PPP1R12C: variants seen among roughly 807,000 people sequenced by gnomAD.
PPP1R12C encodes leukocyte receptor cluster (LRC) encoded novel gene 3.
Under a neutral mutation model 95.6 loss-of-function variants are expected in PPP1R12C, and 48 were observed. The ratio of observed to expected loss-of-function variants is 0.50; its 90% CI spans 0.40 to 0.64. The LOEUF is 0.64. Ranked by LOEUF, PPP1R12C falls within the 30% of genes least tolerant of loss-of-function variation. The pLI is 0.00. For missense variants in PPP1R12C, 1,057 were observed against 1,083.3 expected, an observed-to-expected ratio of 0.98 and a Z score of 0.34; for synonymous variants, 480 against 460.8, an observed-to-expected ratio of 1.04 and a Z score of -0.53.
At position 55,096,242 on chromosome 19, in the gene PPP1R12C, G is replaced by C; in HGVS notation, c.1025+20C>G. ...GGCCTCCAGCCACCCCGCCAGCCCTGGACTCCTCCCTCCCTATACCTTCTG... is the reference window on the plus strand; with the variant it reads ...GGCCTCCAGCCACCCCGCCAGCCCTCGACTCCTCCCTCCCTATACCTTCTG... On this transcript the variant is annotated intron_variant, in intron 7 of 21. Coordinates refer to ENST00000263433, the MANE Select transcript of PPP1R12C (RefSeq NM_017607.4). 1 of 1,613,848 alleles carries C rather than the reference G, an allele frequency of 6.2e-7. No homozygotes were observed. The highest frequency in any genetic ancestry group is 8.5e-7 in the Non-Finnish European group (1 of 1,179,890).
intron 6 of PPP1R12C, among the ~76,000 whole-genome samples, chr19:55,097,669 G>C (rs12986340): frequency 1.5e-5 from 2 of 136,484 alleles, no homozygotes; most frequent in African/African-American, 2.7e-5. Context: ...CACCGTCTTC[G>C]CCCCTTCCCC....
rs763140473 is a variant in PPP1R12C, at chr19:55,092,674, T to C, written c.1912-12A>G. The C allele has an allele frequency of 2.1e-5, 32 of 1,525,914 alleles. No homozygotes were observed. Among genetic ancestry groups the C allele is most frequent in the Non-Finnish European group, 2.6e-5 (30 of 1,138,138 alleles). 94.5% of individuals were successfully genotyped at this position (1,525,914 alleles called of 1,614,324 possible). ...TCCGCCTCCTCCCCCTGTGGGCAGG[T>C]AGACGGGGGTTCAATGGGTATGGGA... is the stretch of plus-strand genomic sequence containing the variant. On this transcript the variant is annotated splice_polypyrimidine_tract_variant and intron_variant, in intron 16 of 21. Coordinates refer to ENST00000263433, the MANE Select transcript of PPP1R12C (RefSeq NM_017607.4).
In PPP1R12C at chr19:55,093,034, C is replaced by CA. The variant is rs781081467; in HGVS notation, c.1806dup (p.Asp603Ter). 3 of 1,586,456 alleles carry CA rather than the reference C, an allele frequency of 1.9e-6. No homozygotes were observed. The highest frequency in any genetic ancestry group is 2.2e-5 in the East Asian group (1 of 44,660). On this transcript the variant is annotated frameshift_variant, in exon 15 of 22. Coordinates refer to ENST00000263433, the MANE Select transcript of PPP1R12C (RefSeq NM_017607.4). LOFTEE classifies it high-confidence loss of function. ...ACCTCACCTCTCTGGGCAGGGCTGT[C>CA]AGAGTTCTCCACTCCAGGGACGCGG...
At position 55,095,620 on chromosome 19, in the gene PPP1R12C, G is replaced by A; in HGVS notation, c.1228-17C>T. The A allele has an allele frequency of 6.5e-7, 1 of 1,541,102 alleles. No individual in the cohort carries two copies. Among genetic ancestry groups the A allele is most frequent in the Non-Finnish European group, 8.7e-7 (1 of 1,148,128 alleles). On this transcript the variant is annotated splice_polypyrimidine_tract_variant and intron_variant, in intron 9 of 21. Coordinates refer to ENST00000263433, the MANE Select transcript of PPP1R12C (RefSeq NM_017607.4). ...TTCAAGCTGCTGGGAGAAGGAGGAG[G>A]TCTCAGTTAGAGAGAAAGGATCCCT...
chr19:55,091,559 C>CTGGG lies in PPP1R12C; in HGVS notation c.2263-5_2263-2dup. On this transcript the variant is annotated splice_acceptor_variant, in intron 21 of 21. Coordinates refer to ENST00000263433, the MANE Select transcript of PPP1R12C (RefSeq NM_017607.4). LOFTEE classifies it high-confidence loss of function. Reference sequence around the variant, plus strand: ...TGTCAGCGCGGAGGTCAGACAGGGCCTGGGGGACGGCAAGGGTCAGCTGGG... The same window carrying CTGGG: ...TGTCAGCGCGGAGGTCAGACAGGGCCTGGGTGGGGGACGGCAAGGGTCAGCTGGG... 6.2e-7 allele frequency: 1 copy of CTGGG among 1,613,556 alleles called. No homozygotes were observed. The highest frequency in any genetic ancestry group is 8.5e-7 in the Non-Finnish European group (1 of 1,179,906).
rs550223600 is a variant in PPP1R12C, at chr19:55,109,556, G to A, written c.571+2911C>T. On this transcript the variant is annotated intron_variant, in intron 3 of 21. Coordinates refer to ENST00000263433, the MANE Select transcript of PPP1R12C (RefSeq NM_017607.4). The surrounding 1 kb of genome is among the most constrained non-coding windows in gnomAD (Gnocchi z 4.4). ...CGAGGTGACTGGCTGAGCAGATCAC[G>A]TGCTCTCACTGAACCCCAGACCCAG... Among the ~76,000 whole-genome samples the A allele has an allele frequency of 2.0e-5, 3 of 152,236 alleles. No individual in the cohort carries two copies. Among genetic ancestry groups the A allele is most frequent in the South Asian group, 2.1e-4 (1 of 4,830 alleles).
At chr19:55,114,947 C>G (rs1169240915) in intron 1 of PPP1R12C, 3 of 152,088 alleles carry the variant, frequency 2.0e-5, no homozygotes, top group Admixed American at 2.0e-4. Flanking sequence ...GCCAGGAACC[C>G]CTGTAGGGAA....
At chr19:55,106,064 G>A (rs1383488443) in intron 3 of PPP1R12C, among the ~76,000 whole-genome samples, 1 of 152,128 alleles carries the variant, frequency 6.6e-6, no homozygotes, top group Admixed American at 6.6e-5. Flanking sequence ...AACGTGGGAT[G>A]GAACAGTCAT....
intron 6 of PPP1R12C, among the ~76,000 whole-genome samples, chr19:55,096,643 C>T (rs1009320385): frequency 2.0e-5 from 3 of 152,138 alleles, no homozygotes; most frequent in East Asian, 1.9e-4. Flanking sequence ...GACCTCACCC[C>T]GACCCCTCAG....
intron 11 of PPP1R12C, 50 bp from the exon 12 acceptor site, chr19:55,094,848 C>T (rs752254667): frequency 1.9e-6 from 3 of 1,544,894 alleles, no homozygotes; most frequent in South Asian, 2.4e-5. Context: ...CATTGTGTGC[C>T]GGCACTGGAG....
chr19:55,095,829 C>T (rs778229575), intron 9 of PPP1R12C, 38 bp downstream of exon 9: 29 of 1,604,520 alleles, frequency 1.8e-5, no homozygotes, highest in Non-Finnish European at 2.5e-5. Flanking sequence ...CCTCCGGGCC[C>T]TCCCAGCCTC....
rs1291175841 is a variant in PPP1R12C at position 55,117,597 on chromosome 19, A to T, written c.-54T>A. 7.4e-5 allele frequency: 69 copies of T among 931,816 alleles called. 1 individual carries two copies. The South Asian group carries it at 2.0e-3, about 27-fold the overall frequency. The allele number at this position is 931,816 out of a possible 1,614,324, so 57.7% of individuals were successfully genotyped here. A position where few individuals can be genotyped will look rare whatever the true frequency, so the allele number is the denominator to read the frequency against. ...CGAGCGCCGAGCCCCAACCGCCGCC[A>T]CCACCCGCCCGCCCGCCCGCCCCGG... On this transcript the variant is annotated 5_prime_UTR_variant, in exon 1 of 22. Transcript: ENST00000263433.
intron 4 of PPP1R12C, among the ~76,000 whole-genome samples, chr19:55,101,736 G>C (rs79951257): frequency 1.3e-5 from 2 of 152,156 alleles, no homozygotes; most frequent in African/African-American, 4.8e-5. Flanking sequence ...CCCCCTTGTC[G>C]TAAGGATCAG....
chr19:55,095,177 T>G, intron 11 of PPP1R12C, 114 bp downstream of exon 11: 4 of 1,181,974 alleles, frequency 3.4e-6, no homozygotes, highest in Non-Finnish European at 4.9e-6. Context: ...GGCTCTGGAG[T>G]GGCGGCAGGA....
Position 55,093,162 on chromosome 19 carries a change from C to G in PPP1R12C, c.1755G>C (p.Ala585=), listed in dbSNP as rs1344371776. Residue 585 remains alanine, a synonymous_variant, in exon 14 of 22, where the codon GCG becomes GCC. Coordinates refer to ENST00000263433, the MANE Select transcript of PPP1R12C (RefSeq NM_017607.4). Reference sequence around the variant, plus strand: ...CGCTGACCCCTCTCACCAGGCTCTGCGCCGGCTTCTCTGACTCTGGGGCCT... The same window carrying G: ...CGCTGACCCCTCTCACCAGGCTCTGGGCCGGCTTCTCTGACTCTGGGGCCT... ...AGKAPESEKP[A]QSLDPSRRPR... The G allele has an allele frequency of 6.2e-7, 1 of 1,613,668 alleles. No homozygotes were observed. Among genetic ancestry groups the G allele is most frequent in the Non-Finnish European group, 8.5e-7 (1 of 1,179,940 alleles).
intron 4 of PPP1R12C, among the ~76,000 whole-genome samples, chr19:55,101,020 G>A (rs561458133): frequency 2.0e-4 from 30 of 152,178 alleles, no homozygotes; most frequent in Admixed American, 7.9e-4. Flanking sequence ...AGGCTGAGGC[G>A]GGCAGATCAC....
rs2085168496 is a variant in PPP1R12C, at chr19:55,117,493, A to C, written c.51T>G (p.Ala17=). ...PAAGPGAAAA[A]ARERRREQLR... ...GCTGCTCCCGTCGCCGCTCCCGGGC[A>C]GCCGCCGCCGCCGCCCCCGGGCCAG... Residue 17 remains alanine (A), a synonymous_variant, in exon 1 of 22, where the codon GCT becomes GCG. Transcript: ENST00000263433. 7.8e-6 allele frequency: 8 copies of C among 1,021,324 alleles called. No homozygotes were observed. In the African/African-American group the frequency reaches 8.9e-5, roughly 11 times the overall value. 63.3% of individuals were successfully genotyped at this position (1,021,324 alleles called of 1,614,324 possible). A position where few individuals can be genotyped will look rare whatever the true frequency, so the allele number is the denominator to read the frequency against.
intron 11 of PPP1R12C, 79 bp from the exon 12 acceptor site, chr19:55,094,877 GA>G: frequency 2.7e-6 from 4 of 1,467,804 alleles, no homozygotes; most frequent in Non-Finnish European, 3.7e-6. Flanking sequence ...GTGAGTGAAA[GA>G]AACAAATTAT....
chr19:55,096,737 C>G (rs1243991555), intron 6 of PPP1R12C: 1 of 359,984 alleles, frequency 2.8e-6, no homozygotes, highest in East Asian at 7.5e-5. Context: ...CAGTTCACCA[C>G]CGTCTTCACA....
Sources: gnomAD v4.1 joint callset for allele counts (sites outside exome capture counted in the v4.1 genomes callset) on GRCh38, gnomAD v4.1.1 for gene constraint, Gnocchi (gnomAD v3.1) non-coding constraint, MANE v1.5 for transcripts, NCBI Gene and HGNC (gene_info 2026-07-23, HGNC 2026-07-21) for gene names.